The following EDIL3 variants were observed in gnomAD, a reference collection of about 807,000 sequenced individuals.
The protein encoded by EDIL3 is EGF like and discoidin domains 3.
Under a neutral mutation model 67.4 loss-of-function variants are expected in EDIL3, and 37 were observed. The observed-to-expected ratio is 0.55, with a 90% confidence interval of 0.42 to 0.72. The LOEUF is 0.72. Among genes scored for constraint, EDIL3 ranks in the 30% least tolerant of loss-of-function variants. The pLI is 0.00. For missense variants in EDIL3, 527 were observed against 586.3 expected, an observed-to-expected ratio of 0.90 and a Z score of 1.04; for synonymous variants, 195 against 196.3, an observed-to-expected ratio of 0.99 and a Z score of 0.05.
intron 5 of EDIL3, among the ~76,000 whole-genome samples, chr5:84,136,324 ACGATATACAT>A (rs1748090915): frequency 6.6e-6 from 1 of 152,198 alleles, no homozygotes; most frequent in Non-Finnish European, 1.5e-5. Context: ...CTCAGATCAT[ACGATATACAT>A]CGAAGCAGTA....
chr5:84,323,893 A>T (rs1746697928), intron 1 of EDIL3, among the ~76,000 whole-genome samples: 3 of 151,900 alleles, frequency 2.0e-5, no homozygotes, highest in Non-Finnish European at 1.5e-5. Context: ...CAAACCAAAT[A>T]ACAGACCATC....
chr5:84,235,855 A>G (rs562616341), intron 2 of EDIL3, among the ~76,000 whole-genome samples: 2 of 152,096 alleles, frequency 1.3e-5, no homozygotes, highest in Non-Finnish European at 2.9e-5. Context: ...GGTAGGAAGG[A>G]AACAATATAA....
At chr5:84,075,483 C>CTTCTTCTTCTTCTTCTTCTTATTA (rs751286945) in intron 6 of EDIL3, among the ~76,000 whole-genome samples, 1 of 150,974 alleles carries the variant, frequency 6.6e-6, no homozygotes, top group African/African-American at 2.4e-5. Flanking sequence ...TCTTCTTCTT[C>CTTCTTCTTCTTCTTCTTCTTATTA]TTATTATTTT....
At chr5:84,334,954 T>G (rs1207678287) in intron 1 of EDIL3, among the ~76,000 whole-genome samples, 1 of 152,214 alleles carries the variant, frequency 6.6e-6, no homozygotes, top group Non-Finnish European at 1.5e-5. Flanking sequence ...ATTATGCAAT[T>G]GTAATTAGAA....
At chr5:84,037,040 A>G (rs1158295437) in intron 9 of EDIL3, among the ~76,000 whole-genome samples, 4 of 152,142 alleles carry the variant, frequency 2.6e-5, no homozygotes, top group African/African-American at 9.7e-5. Context: ...CTGTTTGCAT[A>G]AGGGTACCCA....
chr5:84,056,571 G>T (rs923491705), intron 9 of EDIL3, among the ~76,000 whole-genome samples: 14 of 152,106 alleles, frequency 9.2e-5, no homozygotes, highest in African/African-American at 3.1e-4. Context: ...AGGCATGAGG[G>T]TATTTTGGGG....
At position 84,384,472 on chromosome 5, in the gene EDIL3, T is replaced by C; in HGVS notation, c.-98A>G. ...GCAGGGCAGCAGCAGACTCCGCCCCTACTAAAGAATTCAAGAAGACGTTCT... is the reference window on the plus strand; with the variant it reads ...GCAGGGCAGCAGCAGACTCCGCCCCCACTAAAGAATTCAAGAAGACGTTCT... On this transcript the variant is annotated 5_prime_UTR_variant, in exon 1 of 11. Coordinates refer to ENST00000296591, the MANE Select transcript of EDIL3 (RefSeq NM_005711.5). 3.5e-6 allele frequency: 4 copies of C among 1,148,632 alleles called. No homozygotes were observed. Among genetic ancestry groups the C allele is most frequent in the Non-Finnish European group, 5.1e-6 (4 of 784,144 alleles). 71.2% of individuals were successfully genotyped at this position (1,148,632 alleles called of 1,614,324 possible).
intron 4 of EDIL3, among the ~76,000 whole-genome samples, chr5:84,176,923 T>G (rs1426630279): frequency 8.5e-5 from 13 of 152,214 alleles, no homozygotes; most frequent in Middle Eastern, 6.8e-3. Flanking sequence ...GGACATCTAA[T>G]AGCTGAAATC....
At chr5:84,297,383 A>C (rs1337669630) in intron 1 of EDIL3, among the ~76,000 whole-genome samples, 3 of 152,146 alleles carry the variant, frequency 2.0e-5, no homozygotes, top group Non-Finnish European at 2.9e-5. Flanking sequence ...AAGAAACAAC[A>C]GATGCTGATG....
chr5:84,082,541 T>C (rs1725485154), intron 6 of EDIL3, among the ~76,000 whole-genome samples: 1 of 152,198 alleles, frequency 6.6e-6, no homozygotes, highest in African/African-American at 2.4e-5. Context: ...CAATAGATAT[T>C]ATCAAGGGAC....
intron 8 of EDIL3, 139 bp from the exon 9 acceptor site, chr5:84,060,623 A>G: frequency 1.1e-6 from 1 of 919,534 alleles, no homozygotes; most frequent in East Asian, 2.8e-5. Context: ...AATCCAAAAA[A>G]AAGCTATAAT....
intron 5 of EDIL3, among the ~76,000 whole-genome samples, chr5:84,135,090 C>T (rs982260561): frequency 2.6e-5 from 4 of 152,114 alleles, no homozygotes; most frequent in African/African-American, 7.2e-5. Flanking sequence ...CCTATCCACT[C>T]GACCTGTTTC....
chr5:84,191,947 C>T (rs1475751505), intron 3 of EDIL3, among the ~76,000 whole-genome samples: 1 of 151,898 alleles, frequency 6.6e-6, no homozygotes, highest in African/African-American at 2.4e-5. Context: ...ATGTGAGGGG[C>T]TTTATCACAC....
intron 1 of EDIL3, among the ~76,000 whole-genome samples, chr5:84,277,684 T>C (rs1160933060): frequency 6.6e-6 from 1 of 152,156 alleles, no homozygotes; most frequent in Non-Finnish European, 1.5e-5. Context: ...CTTCACATAG[T>C]GAAATACCAA....
intron 6 of EDIL3, among the ~76,000 whole-genome samples, chr5:84,085,378 T>C (rs1486585968): frequency 6.6e-6 from 1 of 152,120 alleles, no homozygotes; most frequent in Non-Finnish European, 1.5e-5. Flanking sequence ...GGGGTCTTTT[T>C]TGTTGATGTT....
At chr5:84,012,860 T>G (rs1745540015) in intron 9 of EDIL3, among the ~76,000 whole-genome samples, 1 of 151,988 alleles carries the variant, frequency 6.6e-6, no homozygotes. Flanking sequence ...AAGCCAAACT[T>G]ATTACTCTAC....
At chr5:84,051,886 C>A (rs1329416475) in intron 9 of EDIL3, among the ~76,000 whole-genome samples, 3 of 152,202 alleles carry the variant, frequency 2.0e-5, no homozygotes, top group Non-Finnish European at 4.4e-5. Context: ...AAACAGTCTG[C>A]AGGATATCAT....
At chr5:84,169,824 G>A (rs988067380) in intron 4 of EDIL3, among the ~76,000 whole-genome samples, 2 of 151,874 alleles carry the variant, frequency 1.3e-5, no homozygotes, top group African/African-American at 4.8e-5. Context: ...TAGATTTCAG[G>A]CATTACAAAT....
At chr5:84,320,719 T>C (rs943016914) in intron 1 of EDIL3, among the ~76,000 whole-genome samples, 2 of 152,148 alleles carry the variant, frequency 1.3e-5, no homozygotes, top group Admixed American at 6.5e-5. Flanking sequence ...CAATCTACAC[T>C]TCAGACTGCT....
Sources: allele counts gnomAD v4.1 joint callset (sites outside exome capture counted in the v4.1 genomes callset), GRCh38; gene constraint gnomAD v4.1.1; transcripts MANE v1.5; gene names NCBI Gene and HGNC (gene_info 2026-07-23, HGNC 2026-07-21).